Variants in NLRP11 observed in about 807,000 individuals in gnomAD.
The protein encoded by NLRP11 is NLR family pyrin domain containing 11.
A neutral mutation model predicts 79.3 loss-of-function variants in NLRP11; 53 were observed. That is an observed-to-expected ratio of 0.67 (90% CI 0.54 to 0.84). The LOEUF is 0.84. Ranked by LOEUF, NLRP11 falls within the 40% of genes least tolerant of loss-of-function variation. NLRP11 has a pLI of 0.00. For synonymous variants in NLRP11, 518 were observed against 462.6 expected, an observed-to-expected ratio of 1.12 and a Z score of -1.54; for missense variants, 1,264 against 1,255.0, an observed-to-expected ratio of 1.01 and a Z score of -0.11.
Position 55,793,547 on chromosome 19 carries a change from G to A in NLRP11, c.2343-1076C>T, listed in dbSNP as rs574519558. 2.7e-4 allele frequency among the ~76,000 whole-genome samples: 29 copies of A among 105,642 alleles called. No homozygotes were observed. In the South Asian group the frequency reaches 4.3e-3, roughly 16 times the overall value. The allele number at this position is 105,642 out of a possible 152,430, so 69.3% of individuals were successfully genotyped here. The stretch of plus-strand genomic sequence containing the variant: ...TGCACCACTGCACTCCAGCCTGGGT[G>A]ACTGTCTCCAAAAAAAAAAAAAAAA... On this transcript the variant is annotated intron_variant, in intron 6 of 9. Coordinates refer to ENST00000589093, the Ensembl canonical transcript of NLRP11.
At chr19:55,785,493 T>TCACACACACACA (rs878891245) in exon 10 of NLRP11, 10 of 424,522 alleles carry the variant, frequency 2.4e-5, no homozygotes, top group Non-Finnish European at 3.4e-5. Context: ...TGGATCAAGG[T>TCACACACACACA]CACACACACA....
At chr19:55,796,852 CTAA>C (rs1008318583) in intron 5 of NLRP11, among the ~76,000 whole-genome samples, 1 of 152,014 alleles carries the variant, frequency 6.6e-6, no homozygotes, top group Non-Finnish European at 1.5e-5. Flanking sequence ...CCACACCCGG[CTAA>C]TGTTTGTATT....
intron 4 of NLRP11, 127 bp from the exon 5 acceptor site, chr19:55,801,866 C>T: frequency 1.3e-6 from 1 of 745,718 alleles, no homozygotes; most frequent in Non-Finnish European, 2.2e-6. Flanking sequence ...ACACATGGCT[C>T]TCGATCTTAA....
intron 1 of NLRP11, among the ~76,000 whole-genome samples, chr19:55,823,712 A>G (rs979585389): frequency 2.0e-5 from 3 of 150,790 alleles, no homozygotes; most frequent in Non-Finnish European, 4.4e-5. Context: ...AAGTTTAGAG[A>G]AAAACAAATA....
chr19:55,820,409 G>A (rs1295423400), intron 1 of NLRP11, among the ~76,000 whole-genome samples: 4 of 152,088 alleles, frequency 2.6e-5, no homozygotes, highest in African/African-American at 9.7e-5. Flanking sequence ...CAGATGAAAG[G>A]CCACCAGTCA....
intron 3 of NLRP11, among the ~76,000 whole-genome samples, chr19:55,808,338 GGTTT>G (rs2122810816): frequency 6.6e-6 from 1 of 152,250 alleles, no homozygotes; most frequent in Non-Finnish European, 1.5e-5. Context: ...AACAATACAA[GGTTT>G]ATTTCTTTTT....
At chr19:55,821,148 A>G (rs1484318173) in intron 1 of NLRP11, among the ~76,000 whole-genome samples, 1 of 151,434 alleles carries the variant, frequency 6.6e-6, no homozygotes, top group Non-Finnish European at 1.5e-5. Flanking sequence ...TGTTTAATGC[A>G]TATTTTGGAA....
chr19:55,787,318 C>A (rs1298916078), intron 9 of NLRP11, among the ~76,000 whole-genome samples: 1 of 152,154 alleles, frequency 6.6e-6, no homozygotes, highest in East Asian at 1.9e-4. Context: ...ATCATCTTTG[C>A]CTCTAGCATA....
intron 3 of NLRP11, among the ~76,000 whole-genome samples, 166 bp from the exon 4 acceptor site, chr19:55,808,180 A>C (rs548018588): frequency 3.0e-4 from 46 of 152,238 alleles, no homozygotes; most frequent in Non-Finnish European, 5.4e-4. Flanking sequence ...CAACACTCAG[A>C]TCCATTAAAG....
chr19:55,800,593 G>A (rs1469845860), intron 5 of NLRP11, among the ~76,000 whole-genome samples: 1 of 152,112 alleles, frequency 6.6e-6, no homozygotes, highest in African/African-American at 2.4e-5. Flanking sequence ...GGGATTATAG[G>A]CATGAGCTAC....
chr19:55,805,942 T>C (rs1165806313), intron 4 of NLRP11, among the ~76,000 whole-genome samples: 2 of 152,238 alleles, frequency 1.3e-5, no homozygotes, highest in Non-Finnish European at 2.9e-5. Context: ...ACCTTGCTAA[T>C]GTCATTGGCC....
At position 55,809,596 on chromosome 19, in the gene NLRP11, G is replaced by A. The variant is rs1455149403; in HGVS notation, c.1014C>T (p.Val338=). 3 of 1,614,170 alleles carry A rather than the reference G, an allele frequency of 1.9e-6. No individual in the cohort carries two copies. The highest frequency in any genetic ancestry group is 1.7e-6 in the Non-Finnish European group (2 of 1,180,018). ...TACACGTGATCCAGCATAAGATGGCGACTCGGCACAGACCCACGAGTATTT... is the reference window on the plus strand; with the variant it reads ...TACACGTGATCCAGCATAAGATGGCAACTCGGCACAGACCCACGAGTATTT... The change falls in exon 3 of 10, where the codon GTC becomes GTT. Residue 338 remains valine (V), a synonymous_variant. Coordinates refer to ENST00000589093, the Ensembl canonical transcript of NLRP11. The surrounding 1 kb of genome is among the most constrained non-coding windows in gnomAD (Gnocchi z 4.5).
At chr19:55,791,806 A>G (rs1337572541) in intron 7 of NLRP11, among the ~76,000 whole-genome samples, 2 of 152,200 alleles carry the variant, frequency 1.3e-5, no homozygotes, top group Non-Finnish European at 2.9e-5. Flanking sequence ...GTTCAATCAG[A>G]GGCCATTGCA....
chr19:55,809,012 T>G lies in NLRP11; in HGVS notation c.1598A>C (p.Asp533Ala). 1 of 1,614,094 alleles carries G rather than the reference T, an allele frequency of 6.2e-7. No individual in the cohort carries two copies. The highest frequency in any genetic ancestry group is 8.5e-7 in the Non-Finnish European group (1 of 1,180,004). The change falls in exon 3 of 10, where the codon GAC (aspartate) becomes GCC (alanine). Residue 533 changes from aspartate (D) to alanine (A), a missense_variant. Asp to Ala is a moderately radical substitution (Grantham distance 126). Transcript: ENST00000589093. This position sits in a 1 kb window ranked among gnomAD's most constrained non-coding sequence, Gnocchi z 4.5. The stretch of plus-strand genomic sequence containing the variant: ...GTGCGTCAACTTTTCCGGGTCACGG[T>G]CCAAATGTTTCATGTATCCCACCGA...
intron 4 of NLRP11, among the ~76,000 whole-genome samples, chr19:55,806,256 C>T (rs183220693): frequency 2.0e-4 from 30 of 152,292 alleles, no homozygotes; most frequent in Middle Eastern, 3.4e-3. Context: ...TATACATGAA[C>T]GACACCCACA....
At chr19:55,789,129 A>T in intron 8 of NLRP11, 100 bp downstream of exon 8, 1 of 1,400,730 alleles carries the variant, frequency 7.1e-7, no homozygotes, top group South Asian at 1.3e-5. Context: ...ACACTAGACT[A>T]TTATGTCCGA....
rs531519249 is a variant in NLRP11, at chr19:55,804,408, T to A, written c.2004-2669A>T. 8.6e-5 allele frequency among the ~76,000 whole-genome samples: 13 copies of A among 151,722 alleles called. No homozygotes were observed. In the East Asian group the frequency reaches 2.5e-3, roughly 29 times the overall value. The stretch of plus-strand genomic sequence containing the variant: ...GGATAAACGTGATACATATATACCA[T>A]GGAATACTATGCAGCCATAAAAAAG... On this transcript the variant is annotated intron_variant, in intron 4 of 9. Transcript: ENST00000589093.
At chr19:55,815,199 A>G (rs1600195024) in intron 2 of NLRP11, among the ~76,000 whole-genome samples, 1 of 152,228 alleles carries the variant, frequency 6.6e-6, no homozygotes, top group East Asian at 1.9e-4. Context: ...ACCCCTATTA[A>G]GCTTTTAAAC....
intron 1 of NLRP11, among the ~76,000 whole-genome samples, chr19:55,831,562 A>AAAAT (rs892658179): frequency 2.6e-5 from 4 of 152,112 alleles, no homozygotes; most frequent in South Asian, 2.1e-4. Flanking sequence ...ACTCCGTCTC[A>AAAAT]AAATAAATAA....
Sources: allele counts gnomAD v4.1 joint callset (sites outside exome capture counted in the v4.1 genomes callset), GRCh38; gene constraint gnomAD v4.1.1; non-coding constraint Gnocchi (gnomAD v3.1); transcripts MANE v1.5; gene names NCBI Gene and HGNC (gene_info 2026-07-23, HGNC 2026-07-21).